The following NR3C1 variants were observed in gnomAD, a reference collection of about 807,000 sequenced individuals.
NR3C1 encodes glucocorticoid receptor.
Under a neutral mutation model 74.0 loss-of-function variants are expected in NR3C1, and 14 were observed. That is an observed-to-expected ratio of 0.19 (90% CI 0.12 to 0.30). The LOEUF is 0.30. Among genes scored for constraint, NR3C1 ranks in the 10% least tolerant of loss-of-function variants. The pLI, the probability that NR3C1 is intolerant of heterozygous loss-of-function variation, is 1.00. For missense variants in NR3C1, 695 were observed against 909.8 expected (o/e 0.76, Z 3.04); for synonymous variants, 308 against 332.5 (o/e 0.93, Z 0.80).
intron 2 of NR3C1, among the ~76,000 whole-genome samples, chr5:143,320,480 A>T (rs932571132): frequency 5.9e-5 from 9 of 152,120 alleles, no homozygotes; most frequent in African/African-American, 1.7e-4. Context: ...GATTTTTCAG[A>T]CCTCTAAGAC....
chr5:143,319,750 G>A lies in NR3C1; in HGVS notation c.1185-5582C>T, dbSNP rs1315303819. ...GTATCCAGCTTCAAATGTCAATAAT[G>A]CTGAGGATGAGAAAACCTGGCCATA... On this transcript the variant is annotated intron_variant, in intron 2 of 8. Transcript: ENST00000394464. 3.3e-5 allele frequency among the ~76,000 whole-genome samples: 5 copies of A among 152,062 alleles called. No homozygotes were observed. In the South Asian group the frequency reaches 6.2e-4, roughly 19 times the overall value.
At chr5:143,304,215 G>A (rs562072470) in intron 4 of NR3C1, among the ~76,000 whole-genome samples, 16 of 152,164 alleles carry the variant, frequency 1.1e-4, no homozygotes, top group Admixed American at 7.2e-4. Context: ...TTTGGTAAAG[G>A]TTCAGGATTT....
chr5:143,427,527 T>C (rs1345427266), intron 1 of NR3C1, among the ~76,000 whole-genome samples: 4 of 152,180 alleles, frequency 2.6e-5, no homozygotes, highest in Non-Finnish European at 4.4e-5. Context: ...TAGGAAATTA[T>C]AGGATTTGGG....
At chr5:143,310,623 T>C (rs189769040) in intron 3 of NR3C1, among the ~76,000 whole-genome samples, 7 of 152,308 alleles carry the variant, frequency 4.6e-5, no homozygotes, top group Non-Finnish European at 1.0e-4. Flanking sequence ...TTTGATAAAC[T>C]GTGTTTTACA....
intron 2 of NR3C1, among the ~76,000 whole-genome samples, chr5:143,328,104 A>G (rs1237916530): frequency 6.6e-6 from 1 of 152,224 alleles, no homozygotes; most frequent in Admixed American, 6.5e-5. Flanking sequence ...AAATATAGGC[A>G]CAGGTTCCCA....
intron 2 of NR3C1, among the ~76,000 whole-genome samples, chr5:143,394,930 C>G (rs950627642): frequency 6.6e-6 from 1 of 151,914 alleles, no homozygotes; most frequent in African/African-American, 2.4e-5. Flanking sequence ...CACCCTCCAC[C>G]CCCAATTAAT....
At chr5:143,355,398 C>A (rs914166973) in intron 2 of NR3C1, among the ~76,000 whole-genome samples, 6 of 152,024 alleles carry the variant, frequency 3.9e-5, no homozygotes, top group Admixed American at 3.3e-4. Context: ...ACAGTCTGAG[C>A]CCAGGAGTTC....
rs148645181 is a variant in NR3C1 at position 143,359,424 on chromosome 5, G to C, written c.1184+40232C>G. Among the ~76,000 whole-genome samples the C allele has an allele frequency of 1.1e-3, 174 of 152,134 alleles. 2 individuals are homozygous for C. Among genetic ancestry groups the C allele is most frequent in the Admixed American group, 5.2e-3 (80 of 15,276 alleles). ...ATTTTTGCTTATTCTGCCTATTATT[G>C]TCTTGGACTCTTCCTCAACCATCCT... On this transcript the variant is annotated intron_variant, in intron 2 of 8. Coordinates refer to ENST00000394464, the MANE Select transcript of NR3C1 (RefSeq NM_000176.3).
chr5:143,320,453 GA>G (rs534902142), intron 2 of NR3C1, among the ~76,000 whole-genome samples: 24 of 152,172 alleles, frequency 1.6e-4, no homozygotes, highest in Non-Finnish European at 3.1e-4. Flanking sequence ...AATAGATCAA[GA>G]GAATGTTCAG....
In NR3C1 at chr5:143,403,568, C is replaced by A; in HGVS notation, c.-371G>T. 9.1e-6 allele frequency: 9 copies of A among 986,168 alleles called. No individual in the cohort carries two copies. Among genetic ancestry groups the A allele is most frequent in the Non-Finnish European group, 1.1e-5 (9 of 830,556 alleles). The allele number at this position is 986,168 out of a possible 1,614,324, so 61.1% of individuals were successfully genotyped here. A position where few individuals can be genotyped will look rare whatever the true frequency, so the allele number is the denominator to read the frequency against. On this transcript the variant is annotated 5_prime_UTR_variant, in exon 1 of 9. Coordinates refer to ENST00000394464, the MANE Select transcript of NR3C1 (RefSeq NM_000176.3). The stretch of plus-strand genomic sequence containing the variant: ...CAGGCGGTGACTCGGGCTCCCGTCA[C>A]AGACACGAGCTCGCAAAATGGAGGA...
rs746718874 is a variant in NR3C1, at chr5:143,400,778, T to C, written c.62A>G (p.Gln21Arg). The C allele has an allele frequency of 1.9e-6, 3 of 1,614,088 alleles. No homozygotes were observed. The highest frequency in any genetic ancestry group is 3.3e-5 in the Admixed American group (2 of 60,010). The change falls in exon 2 of 9, where the codon CAG (glutamine) becomes CGG (arginine). Residue 21 changes from glutamine (Q) to arginine (R), a missense_variant. Gln to Arg is a conservative substitution (Grantham distance 43). Transcript: ENST00000394464. ...REENPSSVLA[Q>R]ERGDVMDFYK... is the part of the protein sequence containing the mutation. ...GAAGTCCATCACATCTCCCCTCTCCTGAGCAAGCACACTGCTGGGGTTTTC... is the reference window on the plus strand; with the variant it reads ...GAAGTCCATCACATCTCCCCTCTCCCGAGCAAGCACACTGCTGGGGTTTTC...
chr5:143,369,855 C>A (rs1833946335), intron 2 of NR3C1, among the ~76,000 whole-genome samples: 1 of 152,118 alleles, frequency 6.6e-6, no homozygotes, highest in South Asian at 2.1e-4. Flanking sequence ...CATTCTGTTC[C>A]AAACTTACTA....
intron 7 of NR3C1, among the ~76,000 whole-genome samples, chr5:143,283,050 T>A (rs1046480383): frequency 6.6e-6 from 1 of 152,192 alleles, no homozygotes; most frequent in East Asian, 1.9e-4. Flanking sequence ...TGGCTAAATT[T>A]TTTTGTAGAG....
intron 2 of NR3C1, among the ~76,000 whole-genome samples, chr5:143,370,490 G>C (rs948099569): frequency 6.6e-6 from 1 of 152,186 alleles, no homozygotes; most frequent in Non-Finnish European, 1.5e-5. Flanking sequence ...TTTTGCAAAT[G>C]TATCTTCTAC....
chr5:143,380,255 C>G (rs1396095237), intron 2 of NR3C1, among the ~76,000 whole-genome samples: 2 of 152,130 alleles, frequency 1.3e-5, no homozygotes, highest in African/African-American at 2.4e-5. Context: ...AAAATAAGAC[C>G]TGATCCATTC....
chr5:143,280,098 G>C lies in NR3C1; in HGVS notation c.*1791C>G, dbSNP rs568517981. The C allele has an allele frequency of 1.3e-5, 2 of 152,532 alleles. No homozygotes were observed. Among genetic ancestry groups the C allele is most frequent in the Non-Finnish European group, 1.5e-5 (1 of 68,048 alleles). The allele number at this position is 152,532 out of a possible 1,614,324, so 9.4% of individuals were successfully genotyped here. ...TCTCCCTCTTCCCCTAGAGCAAACT[G>C]TTTGGTTTCTGAGACCATCGCTGCC... On this transcript the variant is annotated 3_prime_UTR_variant, in exon 9 of 9. Transcript: ENST00000394464.
chr5:143,371,800 C>G (rs1191149033), intron 2 of NR3C1, among the ~76,000 whole-genome samples: 1 of 152,176 alleles, frequency 6.6e-6, no homozygotes. Flanking sequence ...TATAATTTAT[C>G]ATTATCTATG....
rs10043707 is a variant in NR3C1 at position 143,357,347 on chromosome 5, G to A, written c.1184+42309C>T. On this transcript the variant is annotated intron_variant, in intron 2 of 8. Transcript: ENST00000394464. ...AAATTTTAACCAATGGGAAAAAGAA[G>A]AACAAAAAACACCACTTTGTCAATT... 5.4e-3 allele frequency among the ~76,000 whole-genome samples: 825 copies of A among 152,012 alleles called. 5 individuals are homozygous for A. Among genetic ancestry groups the A allele is most frequent in the East Asian group, 0.022 (115 of 5,186 alleles).
intron 2 of NR3C1, among the ~76,000 whole-genome samples, chr5:143,338,772 G>A (rs1234823494): frequency 6.6e-6 from 1 of 152,146 alleles, no homozygotes; most frequent in African/African-American, 2.4e-5. Context: ...TAAATTTAGT[G>A]TAGCCTAAGT....
Sources: allele counts gnomAD v4.1 joint callset (sites outside exome capture counted in the v4.1 genomes callset), GRCh38; gene constraint gnomAD v4.1.1; transcripts MANE v1.5; gene names NCBI Gene and HGNC (gene_info 2026-07-23, HGNC 2026-07-21).